RMND5B: variants seen among roughly 807,000 people sequenced by gnomAD.
RMND5B encodes the protein required for meiotic nuclear division 5 homolog B, also known as E3 ubiquitin-protein transferase RMND5B.
A neutral mutation model predicts 50.4 loss-of-function variants in RMND5B; 42 were observed. The observed-to-expected ratio is 0.83, with a 90% confidence interval of 0.65 to 1.08. The LOEUF is 1.08. Among genes scored for constraint, RMND5B ranks in the 50% least tolerant of loss-of-function variants. RMND5B has a pLI of 0.00. For synonymous variants in RMND5B, 220 were observed against 210.0 expected (o/e 1.05, Z -0.41); for missense variants, 463 against 508.5 (o/e 0.91, Z 0.86).
chr5:178,134,837 G>T (rs1207253378), intron 2 of RMND5B, among the ~76,000 whole-genome samples: 1 of 151,656 alleles, frequency 6.6e-6, no homozygotes, highest in Non-Finnish European at 1.5e-5. Context: ...AAAAAAGCCA[G>T]GTGTGGTGGT....
At chr5:178,132,028 A>G (rs1758338087) in intron 2 of RMND5B, among the ~76,000 whole-genome samples, 1 of 152,150 alleles carries the variant, frequency 6.6e-6, no homozygotes, top group Non-Finnish European at 1.5e-5. Context: ...AAGCATAAGA[A>G]TTGGCTGGGC....
chr5:178,134,307 G>C (rs1245661009), intron 2 of RMND5B, among the ~76,000 whole-genome samples: 1 of 152,196 alleles, frequency 6.6e-6, no homozygotes. Flanking sequence ...AGTGCAGAGG[G>C]CACTCTAAAA....
chr5:178,150,100 G>C lies in RMND5B; in HGVS notation c.*2068G>C, dbSNP rs939850132. The C allele has an allele frequency of 2.7e-6, 1 of 366,450 alleles. No homozygotes were observed. The allele number at this position is 366,450 out of a possible 1,614,324, so 22.7% of individuals were successfully genotyped here. Reference sequence around the variant, plus strand: ...CCCAGCAGGGGCTGTCCCGGTCCCTGCCACCCCCACTTCCTGTGCCTCAGA... The same window carrying C: ...CCCAGCAGGGGCTGTCCCGGTCCCTCCCACCCCCACTTCCTGTGCCTCAGA... On this transcript the variant is annotated 3_prime_UTR_variant, in exon 11 of 11. Transcript: ENST00000313386.
chr5:178,141,939 T>C (rs1561635096), intron 3 of RMND5B: 1 of 152,844 alleles, frequency 6.5e-6, no homozygotes, highest in Non-Finnish European at 1.5e-5. Flanking sequence ...CAAGGAATCA[T>C]ACCACATGTA....
At position 178,148,156 on chromosome 5, in the gene RMND5B, T is replaced by A; in HGVS notation, c.*124T>A. On this transcript the variant is annotated 3_prime_UTR_variant, in exon 11 of 11. Coordinates refer to ENST00000313386, the MANE Select transcript of RMND5B (RefSeq NM_022762.5). ...AGAGCGCCTGGCTGAGGAGTTCCAC[T>A]GAGGGGAGCACTGGAGCAGCCCTTT... 2.2e-6 allele frequency: 2 copies of A among 920,120 alleles called. No homozygotes were observed. Among genetic ancestry groups the A allele is most frequent in the Non-Finnish European group, 3.5e-6 (2 of 576,200 alleles). 57.0% of individuals were successfully genotyped at this position (920,120 alleles called of 1,614,324 possible).
rs1344438026 is a variant in RMND5B at position 178,138,099 on chromosome 5, C to T, written c.-12-9C>T. 1 of 1,570,298 alleles carries T rather than the reference C, an allele frequency of 6.4e-7. No homozygotes were observed. Among genetic ancestry groups the T allele is most frequent in the South Asian group, 1.2e-5 (1 of 85,630 alleles). On this transcript the variant is annotated splice_polypyrimidine_tract_variant and intron_variant, in intron 2 of 10. Coordinates refer to ENST00000313386, the MANE Select transcript of RMND5B (RefSeq NM_022762.5). The surrounding 1 kb of genome is among the most constrained non-coding windows in gnomAD (Gnocchi z 5.1). Reference sequence around the variant, plus strand: ...CCAGATGGGGCCTGACCCAGCTGACCCTCCCCAGGCTGAGGCCACCATGGA... The same window carrying T: ...CCAGATGGGGCCTGACCCAGCTGACTCTCCCCAGGCTGAGGCCACCATGGA...
chr5:178,132,989 C>G (rs1477822399), intron 2 of RMND5B, among the ~76,000 whole-genome samples: 2 of 151,342 alleles, frequency 1.3e-5, no homozygotes, highest in African/African-American at 2.4e-5. Flanking sequence ...CTCAGCCTCC[C>G]GAGTAGCTGG....
rs1233029907 is a variant in RMND5B, at chr5:178,149,163, A to T, written c.*1131A>T. 6.5e-6 allele frequency: 1 copy of T among 152,780 alleles called. No homozygotes were observed. Among genetic ancestry groups the T allele is most frequent in the Non-Finnish European group, 1.5e-5 (1 of 68,490 alleles). 9.5% of individuals were successfully genotyped at this position (152,780 alleles called of 1,614,324 possible). On this transcript the variant is annotated 3_prime_UTR_variant, in exon 11 of 11. Coordinates refer to ENST00000313386, the MANE Select transcript of RMND5B (RefSeq NM_022762.5). Reference sequence around the variant, plus strand: ...GCATTTAAGGCTCCTGGGTTAAGTTAGGAATGGGGGTGTTCCTGATGTGGG... The same window carrying T: ...GCATTTAAGGCTCCTGGGTTAAGTTTGGAATGGGGGTGTTCCTGATGTGGG...
intron 9 of RMND5B, 24 bp downstream of exon 9, chr5:178,147,659 T>G (rs951732016): frequency 1.2e-6 from 2 of 1,614,056 alleles, no homozygotes; most frequent in Non-Finnish European, 1.7e-6. Flanking sequence ...TGGGGAATCG[T>G]GGGCAAGAGG....
chr5:178,139,578 T>A (rs1441100895), intron 3 of RMND5B, among the ~76,000 whole-genome samples: 1 of 148,826 alleles, frequency 6.7e-6, no homozygotes, highest in Non-Finnish European at 1.5e-5. Context: ...AGTTTTGCTC[T>A]CATTGCCCAG....
chr5:178,132,957 T>C (rs1758415423), intron 2 of RMND5B, among the ~76,000 whole-genome samples: 1 of 151,678 alleles, frequency 6.6e-6, no homozygotes, highest in Admixed American at 6.6e-5. Context: ...CTCTGCCTCC[T>C]GGGTTCAAGC....
rs1255119456 is a variant in RMND5B at position 178,149,940 on chromosome 5, T to C, written c.*1908T>C. The stretch of plus-strand genomic sequence containing the variant: ...ACCAGCCTAATCTGGCCCACAACCA[T>C]GTTCTGTTCGGTCCATGTTCTATTT... On this transcript the variant is annotated 3_prime_UTR_variant, in exon 11 of 11. Transcript: ENST00000313386. 2.3e-6 allele frequency: 3 copies of C among 1,285,304 alleles called. No homozygotes were observed. Among genetic ancestry groups the C allele is most frequent in the Non-Finnish European group, 2.2e-6 (2 of 910,232 alleles). 79.6% of individuals were successfully genotyped at this position (1,285,304 alleles called of 1,614,324 possible).
intron 3 of RMND5B, 112 bp from the exon 4 acceptor site, chr5:178,142,471 C>T: frequency 8.0e-7 from 1 of 1,253,332 alleles, no homozygotes; most frequent in Non-Finnish European, 1.1e-6. Flanking sequence ...CCCTGGCATT[C>T]AGGGCTGCCT....
At chr5:178,135,396 T>G in intron 2 of RMND5B, 1 of 161,574 alleles carries the variant, frequency 6.2e-6, no homozygotes, top group Non-Finnish European at 1.4e-5. Flanking sequence ...ATGCTGAGAT[T>G]ACAGGTGTGA....
In RMND5B at chr5:178,148,215, C is replaced by A; in HGVS notation, c.*183C>A. 1 of 624,914 alleles carries A rather than the reference C, an allele frequency of 1.6e-6. No homozygotes were observed. The highest frequency in any genetic ancestry group is 2.7e-5 in the Admixed American group (1 of 36,634). 38.7% of individuals were successfully genotyped at this position (624,914 alleles called of 1,614,324 possible). A position where few individuals can be genotyped will look rare whatever the true frequency, so the allele number is the denominator to read the frequency against. On this transcript the variant is annotated 3_prime_UTR_variant, in exon 11 of 11. Coordinates refer to ENST00000313386, the MANE Select transcript of RMND5B (RefSeq NM_022762.5). ...CTGAGGAGGGAGATGGACCAGCCCA[C>A]GCCTGGCACCTGGCTCCATGGCATA...
intron 2 of RMND5B, chr5:178,135,990 C>A (rs964498109): frequency 1.3e-5 from 2 of 152,156 alleles, no homozygotes; most frequent in Non-Finnish European, 2.9e-5. Flanking sequence ...ACACTCATTC[C>A]AACACAGATA....
chr5:178,144,129 G>A, intron 7 of RMND5B, 21 bp downstream of exon 7: 1 of 1,608,530 alleles, frequency 6.2e-7, no homozygotes. Context: ...AGGCAGCTGG[G>A]GTTGTGCTGC....
intron 7 of RMND5B, among the ~76,000 whole-genome samples, chr5:178,145,346 C>T (rs1035109620): frequency 1.3e-5 from 2 of 151,742 alleles, no homozygotes; most frequent in Non-Finnish European, 2.9e-5. Context: ...ATTAGCCGGG[C>T]GTGGTGGCGG....
rs995736795 is a variant in RMND5B at position 178,149,575 on chromosome 5, T to C, written c.*1543T>C. 1.9e-5 allele frequency: 21 copies of C among 1,081,186 alleles called. No homozygotes were observed. Among genetic ancestry groups the C allele is most frequent in the Non-Finnish European group, 2.5e-5 (18 of 734,416 alleles). 67.0% of individuals were successfully genotyped at this position (1,081,186 alleles called of 1,614,324 possible). A position where few individuals can be genotyped will look rare whatever the true frequency, so the allele number is the denominator to read the frequency against. On this transcript the variant is annotated 3_prime_UTR_variant, in exon 11 of 11. Transcript: ENST00000313386. ...AGCATTACCTTCATGAAAGGGCTGT[T>C]AGAGCTGCCTGGGAAGAAGGCGTGC...
Sources: gnomAD v4.1 joint callset for allele counts (sites outside exome capture counted in the v4.1 genomes callset) on GRCh38, gnomAD v4.1.1 for gene constraint, Gnocchi (gnomAD v3.1) non-coding constraint, MANE v1.5 for transcripts, NCBI Gene and HGNC (gene_info 2026-07-23, HGNC 2026-07-21) for gene names.